Variants in CADPS2 observed in about 807,000 individuals in gnomAD.
CADPS2 encodes the protein calcium-dependent secretion activator 2.
Under a neutral mutation model 172.5 loss-of-function variants are expected in CADPS2, and 93 were observed. That is an observed-to-expected ratio of 0.54 (90% confidence interval 0.46 to 0.64). The LOEUF is 0.64. CADPS2 is among the 30% of genes least tolerant of loss of function. The pLI is 0.00. For missense variants in CADPS2, 1,420 were observed against 1,565.9 expected (o/e 0.91, Z 1.57); for synonymous variants, 546 against 555.2 (o/e 0.98, Z 0.23).
intron 1 of CADPS2, among the ~76,000 whole-genome samples, chr7:122,882,005 G>T (rs1823046309): frequency 6.6e-6 from 1 of 152,134 alleles, no homozygotes; most frequent in African/African-American, 2.4e-5. Flanking sequence ...GTAGTCAGAA[G>T]ATGAAAACAA....
chr7:122,749,578 A>G (rs1049527202), intron 1 of CADPS2, among the ~76,000 whole-genome samples: 2 of 152,138 alleles, frequency 1.3e-5, no homozygotes, highest in African/African-American at 4.8e-5. Flanking sequence ...TTTCAAGTAA[A>G]TTAAATTATA....
chr7:122,698,970 T>C (rs2085604605), intron 2 of CADPS2: 1 of 1,258,700 alleles, frequency 7.9e-7, no homozygotes, highest in Non-Finnish European at 1.1e-6. Context: ...GCACATCTGT[T>C]GACAATTAAT....
At chr7:122,652,639 C>A (rs959019953) in intron 3 of CADPS2, among the ~76,000 whole-genome samples, 1 of 152,106 alleles carries the variant, frequency 6.6e-6, no homozygotes, top group Non-Finnish European at 1.5e-5. Context: ...GATTCTTGTA[C>A]TGTTATGCCA....
At chr7:122,337,291 C>G (rs1217026272) in intron 28 of CADPS2, among the ~76,000 whole-genome samples, 1 of 152,222 alleles carries the variant, frequency 6.6e-6, no homozygotes, top group South Asian at 2.1e-4. Flanking sequence ...TGTTAATTAG[C>G]TGATTCTACC....
At chr7:122,632,380 C>G (rs759608727) in intron 3 of CADPS2, among the ~76,000 whole-genome samples, 14 of 152,080 alleles carry the variant, frequency 9.2e-5, no homozygotes, top group Non-Finnish European at 1.9e-4. Flanking sequence ...GTTTTTTTGA[C>G]TTTTTGATAA....
chr7:122,855,642 A>G (rs1554497780), intron 1 of CADPS2, among the ~76,000 whole-genome samples: 1 of 152,198 alleles, frequency 6.6e-6, no homozygotes, highest in Non-Finnish European at 1.5e-5. Flanking sequence ...GATGCCATGG[A>G]AACAGCAGGA....
chr7:122,569,354 A>G (rs2066886985), intron 7 of CADPS2, among the ~76,000 whole-genome samples: 1 of 152,048 alleles, frequency 6.6e-6, no homozygotes, highest in Admixed American at 6.6e-5. Flanking sequence ...AAGGAGAACT[A>G]CAAACCACTG....
intron 1 of CADPS2, among the ~76,000 whole-genome samples, chr7:122,777,346 G>T (rs529596122): frequency 6.6e-6 from 1 of 152,268 alleles, no homozygotes; most frequent in African/African-American, 2.4e-5. Flanking sequence ...CAGTATGGCT[G>T]TTGGAGCTCC....
At chr7:122,701,295 A>G (rs1202023131) in intron 2 of CADPS2, among the ~76,000 whole-genome samples, 5 of 152,334 alleles carry the variant, frequency 3.3e-5, no homozygotes, top group South Asian at 2.1e-4. Context: ...TTGTAGGGAC[A>G]TGGATGAAGC....
rs111266160 is a variant in CADPS2 at position 122,561,519 on chromosome 7, T to C, written c.1336-6830A>G. On this transcript the variant is annotated intron_variant, in intron 7 of 29. Transcript: ENST00000449022. The stretch of plus-strand genomic sequence containing the variant: ...GCAAGGAAAAGAAAAGTAAGATGTG[T>C]CAATCATTCTCCAGTTTTTCCTGAC... Among the ~76,000 whole-genome samples the C allele has an allele frequency of 4.6e-3, 699 of 152,242 alleles. 6 individuals are homozygous for C. Among genetic ancestry groups the C allele is most frequent in the African/African-American group, 0.016 (667 of 41,564 alleles).
chr7:122,828,511 A>G (rs1805593828), intron 1 of CADPS2, among the ~76,000 whole-genome samples: 2 of 152,168 alleles, frequency 1.3e-5, no homozygotes, highest in African/African-American at 4.8e-5. Context: ...TCACTTTAAA[A>G]TATCATTGTC....
At chr7:122,494,491 T>C (rs1006146851) in intron 9 of CADPS2, among the ~76,000 whole-genome samples, 1 of 151,922 alleles carries the variant, frequency 6.6e-6, no homozygotes, top group Non-Finnish European at 1.5e-5. Flanking sequence ...TTCTAAGATA[T>C]AACATAAAGA....
Position 122,702,141 on chromosome 7 carries a change from A to T in CADPS2, c.453+34814T>A, listed in dbSNP as rs373686482. 3 of 1,613,620 alleles carry T rather than the reference A, an allele frequency of 1.9e-6. No individual in the cohort carries two copies. In the African/African-American group the frequency reaches 4.0e-5, roughly 22 times the overall value. On this transcript the variant is annotated intron_variant, in intron 2 of 29. Coordinates refer to ENST00000449022, the MANE Select transcript of CADPS2 (RefSeq NM_017954.11). The stretch of plus-strand genomic sequence containing the variant: ...CTCCAGACGCAATCTAAGTAAAAGT[A>T]GGCAATTGTGGCAGCCAGGAAGGTA...
intron 10 of CADPS2, among the ~76,000 whole-genome samples, chr7:122,490,713 C>CATAAG (rs60966196): frequency 0.42 from 63,052 of 151,532 alleles, 13,313 homozygotes; most frequent in African/African-American, 0.49. Context: ...AATTCTTTCA[C>CATAAG]ATAATATTTT....
At chr7:122,788,887 T>C (rs1794658463) in intron 1 of CADPS2, among the ~76,000 whole-genome samples, 1 of 152,182 alleles carries the variant, frequency 6.6e-6, no homozygotes, top group Admixed American at 6.5e-5. Context: ...CCACCAGCAC[T>C]GAGGAAAGGC....
chr7:122,804,577 G>A (rs1798382335), intron 1 of CADPS2, among the ~76,000 whole-genome samples: 1 of 152,162 alleles, frequency 6.6e-6, no homozygotes, highest in South Asian at 2.1e-4. Context: ...GAACTAGAGT[G>A]TGTAGTGTAA....
chr7:122,877,932 G>A (rs550066047), intron 1 of CADPS2, among the ~76,000 whole-genome samples: 2 of 152,262 alleles, frequency 1.3e-5, no homozygotes, highest in South Asian at 2.1e-4. Context: ...GAGTGAGTGA[G>A]AAGATGAAGT....
chr7:122,345,001 T>G (rs2037347904), intron 28 of CADPS2, among the ~76,000 whole-genome samples: 1 of 152,118 alleles, frequency 6.6e-6, no homozygotes, highest in South Asian at 2.1e-4. Flanking sequence ...TGGATTTCAG[T>G]AAATAGGTCA....
chr7:122,709,947 A>T (rs1249178191), intron 2 of CADPS2, among the ~76,000 whole-genome samples: 1 of 151,824 alleles, frequency 6.6e-6, no homozygotes, highest in Non-Finnish European at 1.5e-5. Flanking sequence ...TAGGAGATAT[A>T]CCTAATGCTA....
Sources: allele counts gnomAD v4.1 joint callset (sites outside exome capture counted in the v4.1 genomes callset), GRCh38; gene constraint gnomAD v4.1.1; transcripts MANE v1.5; gene names NCBI Gene and HGNC (gene_info 2026-07-23, HGNC 2026-07-21).